GRIN2B: variants seen among roughly 807,000 people sequenced by gnomAD.
GRIN2B encodes the protein glutamate ionotropic receptor NMDA type subunit 2B.
In GRIN2B, 5 loss-of-function variants were observed where a neutral mutation model predicts 114.5. That is an observed-to-expected ratio of 0.04 (90% CI 0.02 to 0.09). The LOEUF (loss-of-function observed/expected upper bound fraction) is 0.09. GRIN2B is among the 10% of genes least tolerant of loss of function. The probability of loss-of-function intolerance (pLI) is 1.00; values close to 1 mark genes in which losing one functional copy is unlikely to be tolerated. For synonymous variants in GRIN2B, 787 were observed against 745.1 expected, an observed-to-expected ratio of 1.06 and a Z score of -0.92; for missense variants, 1,108 against 1,943.5, an observed-to-expected ratio of 0.57 and a Z score of 8.08.
chr12:13,758,094 G>T (rs760931662), intron 3 of GRIN2B, among the ~76,000 whole-genome samples: 4 of 152,140 alleles, frequency 2.6e-5, no homozygotes, highest in Non-Finnish European at 5.9e-5. Flanking sequence ...CTGAATGACT[G>T]GCTGTTACAG....
intron 2 of GRIN2B, among the ~76,000 whole-genome samples, chr12:13,870,076 A>G (rs1865883321): frequency 6.6e-6 from 1 of 152,136 alleles, no homozygotes; most frequent in African/African-American, 2.4e-5. Context: ...AGGGTGAAAG[A>G]ATGGCAGACA....
intron 3 of GRIN2B, among the ~76,000 whole-genome samples, chr12:13,760,985 G>A (rs1863670558): frequency 6.6e-6 from 1 of 152,116 alleles, no homozygotes; most frequent in Middle Eastern, 3.2e-3. Flanking sequence ...TTGCAAGATA[G>A]GGAAAATTTC....
chr12:13,927,832 T>C (rs1487138298), intron 2 of GRIN2B, among the ~76,000 whole-genome samples: 1 of 151,558 alleles, frequency 6.6e-6, no homozygotes, highest in African/African-American at 2.4e-5. Context: ...CTGGGTGTTG[T>C]GGTACATGCC....
chr12:13,831,736 T>A (rs1591756827), intron 3 of GRIN2B, among the ~76,000 whole-genome samples: 1 of 152,218 alleles, frequency 6.6e-6, no homozygotes, highest in East Asian at 1.9e-4. Context: ...CCTGGCCGCC[T>A]CCTTGGTGAA....
chr12:13,878,639 C>G (rs930566200), intron 2 of GRIN2B, among the ~76,000 whole-genome samples: 5 of 152,172 alleles, frequency 3.3e-5, no homozygotes, highest in Non-Finnish European at 7.3e-5. Context: ...AAAGCAAGAC[C>G]TGAATTCTGC....
At chr12:13,931,203 C>A (rs1205480052) in intron 2 of GRIN2B, among the ~76,000 whole-genome samples, 1 of 152,116 alleles carries the variant, frequency 6.6e-6, no homozygotes, top group African/African-American at 2.4e-5. Context: ...ACTTGCAGAA[C>A]ATCATTTACT....
At chr12:13,606,522 C>T (rs371726314) in intron 10 of GRIN2B, among the ~76,000 whole-genome samples, 1 of 152,190 alleles carries the variant, frequency 6.6e-6, no homozygotes, top group Non-Finnish European at 1.5e-5. Context: ...CAAACACTGG[C>T]CATTAGGCCC....
At chr12:13,626,833 C>A (rs1380086852) in intron 5 of GRIN2B, among the ~76,000 whole-genome samples, 1 of 126,482 alleles carries the variant, frequency 7.9e-6, no homozygotes, top group Admixed American at 8.0e-5. Context: ...CTCCCCCCTC[C>A]CCCCTCACCA....
chr12:13,954,933 C>G (rs1322451074), intron 2 of GRIN2B, among the ~76,000 whole-genome samples: 1 of 151,112 alleles, frequency 6.6e-6, no homozygotes, highest in Admixed American at 6.6e-5. Flanking sequence ...CCAATTATAC[C>G]ATCACAAGGA....
chr12:13,782,669 C>G (rs1028521449), intron 3 of GRIN2B, among the ~76,000 whole-genome samples: 1 of 152,190 alleles, frequency 6.6e-6, no homozygotes, highest in Non-Finnish European at 1.5e-5. Context: ...ACTCTCACTA[C>G]TTTATAGTTC....
At chr12:13,614,016 C>CAAAAAAAAA (rs77527098) in intron 8 of GRIN2B, among the ~76,000 whole-genome samples, 4 of 92,898 alleles carry the variant, frequency 4.3e-5, no homozygotes, top group Non-Finnish European at 4.2e-5. Flanking sequence ...CCTTGCACAG[C>CAAAAAAAAA]AAAAAAAAAA....
rs1948536031 is a variant in GRIN2B, at chr12:13,561,025, T to G, written c.*1758A>C. The G allele has an allele frequency of 6.6e-6, 1 of 152,068 alleles. No homozygotes were observed. Among genetic ancestry groups the G allele is most frequent in the Admixed American group, 6.5e-5 (1 of 15,268 alleles). 9.4% of individuals were successfully genotyped at this position (152,068 alleles called of 1,614,324 possible). A position where few individuals can be genotyped will look rare whatever the true frequency, so the allele number is the denominator to read the frequency against. ...CTGGGGCTCTCTGGATGCCACCCTG[T>G]GTAGGGGAGGATGGCAGGACAGTGG... On this transcript the variant is annotated 3_prime_UTR_variant, in exon 14 of 14. Coordinates refer to ENST00000609686, the MANE Select transcript of GRIN2B (RefSeq NM_000834.5).
At chr12:13,613,021 A>G (rs548311785) in intron 8 of GRIN2B, among the ~76,000 whole-genome samples, 1 of 152,350 alleles carries the variant, frequency 6.6e-6, no homozygotes, top group East Asian at 1.9e-4. Context: ...GGAATTGTAA[A>G]AGCCTGGTCA....
chr12:13,872,288 A>T (rs1271190085), intron 2 of GRIN2B, among the ~76,000 whole-genome samples: 3 of 151,882 alleles, frequency 2.0e-5, no homozygotes, highest in Non-Finnish European at 4.4e-5. Flanking sequence ...ATCACTAAAA[A>T]TACTAAAAAT....
intron 13 of GRIN2B, among the ~76,000 whole-genome samples, chr12:13,566,141 A>C (rs987053910): frequency 6.6e-6 from 1 of 152,234 alleles, no homozygotes; most frequent in Non-Finnish European, 1.5e-5. Flanking sequence ...CAGAAAGGAC[A>C]CGGAGAAATT....
At chr12:13,702,757 G>A (rs1272127596) in intron 4 of GRIN2B, among the ~76,000 whole-genome samples, 1 of 152,066 alleles carries the variant, frequency 6.6e-6, no homozygotes, top group South Asian at 2.1e-4. Context: ...GGAGACCCCA[G>A]GCCAGCATTA....
In GRIN2B at chr12:13,547,981, A is replaced by ATTTTTTTTTTT. The variant is rs57206826; in HGVS notation, c.*14791_*14801dup. ...TGTGTATATATATATATATATATAT[A>ATTTTTTTTTTT]TTTTTTTTTTTTTTCTGAAAGCTAC... On this transcript the variant is annotated 3_prime_UTR_variant, in exon 14 of 14. Transcript: ENST00000609686. 10 of 68,592 alleles carry ATTTTTTTTTTT rather than the reference A, an allele frequency of 1.5e-4. No homozygotes were observed. The highest frequency in any genetic ancestry group is 5.7e-4 in the East Asian group (1 of 1,742). 4.2% of individuals were successfully genotyped at this position (68,592 alleles called of 1,614,324 possible). A position where few individuals can be genotyped will look rare whatever the true frequency, so the allele number is the denominator to read the frequency against.
At chr12:13,608,960 A>T in intron 9 of GRIN2B, 128 bp from the exon 10 acceptor site, 1 of 718,682 alleles carries the variant, frequency 1.4e-6, no homozygotes, top group South Asian at 1.5e-5. Flanking sequence ...GCCCTTTTAT[A>T]GACGGCTTTT....
chr12:13,756,046 C>T (rs1007130001), intron 3 of GRIN2B, among the ~76,000 whole-genome samples: 2 of 152,166 alleles, frequency 1.3e-5, no homozygotes, highest in African/African-American at 2.4e-5. Context: ...CCCCCAGAGT[C>T]TCACTCTGTC....
Sources: allele counts gnomAD v4.1 joint callset (sites outside exome capture counted in the v4.1 genomes callset), GRCh38; gene constraint gnomAD v4.1.1; transcripts MANE v1.5; gene names NCBI Gene and HGNC (gene_info 2026-07-23, HGNC 2026-07-21).